The following NMT2 variants were observed in gnomAD, a reference collection of about 807,000 sequenced individuals.
NMT2 encodes glycylpeptide N-tetradecanoyltransferase 2.
Under a neutral mutation model 65.4 loss-of-function variants are expected in NMT2, and 35 were observed. The ratio of observed to expected loss-of-function variants is 0.54; its 90% CI spans 0.41 to 0.71. The LOEUF is 0.71. NMT2 is among the 30% of genes least tolerant of loss of function. The pLI, the probability that NMT2 is intolerant of heterozygous loss-of-function variation, is 0.00. For missense variants in NMT2, 489 were observed against 611.3 expected (o/e 0.80, Z 2.11); for synonymous variants, 226 against 231.8 (o/e 0.98, Z 0.23).
rs1324481856 is a variant in NMT2 at position 15,127,559 on chromosome 10, A to ATAAAAT, written c.999+790_999+791insATTTTA. Among the ~76,000 whole-genome samples the ATAAAAT allele has an allele frequency of 1.1e-3, 107 of 98,106 alleles. 6 individuals are homozygous for ATAAAAT. The highest frequency in any genetic ancestry group is 9.2e-3 in the African/African-American group (104 of 11,290). 64.4% of individuals were successfully genotyped at this position (98,106 alleles called of 152,430 possible). On this transcript the variant is annotated intron_variant, in intron 8 of 11. Transcript: ENST00000378165. ...GAGACTCCGTCTCAAAAAAAAAAAA[A>ATAAAAT]AAAAAAAAAAATAAATAAATAAATA...
At chr10:15,111,670 T>C (rs1259617305) in intron 10 of NMT2, 1 of 152,056 alleles carries the variant, frequency 6.6e-6, no homozygotes, top group Non-Finnish European at 1.5e-5. Context: ...AAGCACTTTT[T>C]ATTTTTATTT....
chr10:15,107,256 T>A lies in NMT2; in HGVS notation c.*1939A>T. The stretch of plus-strand genomic sequence containing the variant: ...TCAACCATTCCAGAAAATAAAAACA[T>A]TCTTAGCCTGTGGGCTACACAAAAA... On this transcript the variant is annotated 3_prime_UTR_variant, in exon 12 of 12. Coordinates refer to ENST00000378165, the MANE Select transcript of NMT2 (RefSeq NM_004808.3). 1.2e-6 allele frequency: 1 copy of A among 808,866 alleles called. No individual in the cohort carries two copies. The highest frequency in any genetic ancestry group is 1.5e-6 in the Non-Finnish European group (1 of 669,062). 50.1% of individuals were successfully genotyped at this position (808,866 alleles called of 1,614,324 possible). A position where few individuals can be genotyped will look rare whatever the true frequency, so the allele number is the denominator to read the frequency against.
rs1486256322 is a variant in NMT2 at position 15,130,224 on chromosome 10, T to C, written c.808A>G (p.Thr270Ala). 5 of 1,609,798 alleles carry C rather than the reference T, an allele frequency of 3.1e-6. No individual in the cohort carries two copies. Among genetic ancestry groups the C allele is most frequent in the Non-Finnish European group, 4.2e-6 (5 of 1,177,788 alleles). The stretch of plus-strand genomic sequence containing the variant: ...ATCCCTTCCAGGTTCACTCTTCTAG[T>C]GATCTCTCGGATTAGCACTGGGGCT... Reference protein sequence around the residue: ...RVAPVLIREITRRVNLEGIFQ... With the variant: ...RVAPVLIREIARRVNLEGIFQ... The change falls in exon 7 of 12, where the codon ACT becomes GCT. Residue 270 changes from threonine (T) to alanine (A), a missense_variant. By Grantham distance (58) the Thr-to-Ala change is moderately conservative. Coordinates refer to ENST00000378165, the MANE Select transcript of NMT2 (RefSeq NM_004808.3).
At chr10:15,113,832 T>C (rs2131478413) in intron 9 of NMT2, among the ~76,000 whole-genome samples, 1 of 152,310 alleles carries the variant, frequency 6.6e-6, no homozygotes, top group East Asian at 1.9e-4. Context: ...AAATAAGGGA[T>C]ACAATGGATG....
At chr10:15,149,685 A>G (rs948683821) in intron 1 of NMT2, among the ~76,000 whole-genome samples, 3 of 151,900 alleles carry the variant, frequency 2.0e-5, no homozygotes, top group Non-Finnish European at 4.4e-5. Flanking sequence ...ACAGATATCA[A>G]CTTTGTAAAC....
intron 8 of NMT2, among the ~76,000 whole-genome samples, 187 bp downstream of exon 8, chr10:15,128,163 G>A (rs73604541): frequency 0.016 from 2,474 of 152,274 alleles, 71 homozygotes; most frequent in African/African-American, 0.057. Context: ...GGGAAAAAAG[G>A]AAAGATTGGC....
intron 6 of NMT2, among the ~76,000 whole-genome samples, chr10:15,131,511 A>G (rs192700912): frequency 6.6e-6 from 1 of 152,230 alleles, no homozygotes; most frequent in East Asian, 1.9e-4. Context: ...ATCCTGGTGC[A>G]GAATCTGATA....
chr10:15,109,969 T>C (rs1284008977), intron 10 of NMT2, 130 bp from the exon 11 acceptor site: 22 of 701,088 alleles, frequency 3.1e-5, no homozygotes, highest in Non-Finnish European at 4.5e-5. Flanking sequence ...CCGTGATATA[T>C]AGCATAGGTT....
At chr10:15,161,810 A>G (rs1833209008) in intron 1 of NMT2, among the ~76,000 whole-genome samples, 1 of 152,256 alleles carries the variant, frequency 6.6e-6, no homozygotes, top group South Asian at 2.1e-4. Context: ...TAAAAGAATT[A>G]CAATTCCAGG....
Position 15,108,479 on chromosome 10 carries a change from C to T in NMT2, c.*716G>A. ...GGATTACAGGCGTGAGCCACCACGC[C>T]CGGCCTCAGGCTCTTTCAGAGAGCA... On this transcript the variant is annotated 3_prime_UTR_variant, in exon 12 of 12. Transcript: ENST00000378165. 1 of 985,492 alleles carries T rather than the reference C, an allele frequency of 1.0e-6. No individual in the cohort carries two copies. Among genetic ancestry groups the T allele is most frequent in the Non-Finnish European group, 1.2e-6 (1 of 829,966 alleles). The allele number at this position is 985,492 out of a possible 1,614,324, so 61.0% of individuals were successfully genotyped here. A position where few individuals can be genotyped will look rare whatever the true frequency, so the allele number is the denominator to read the frequency against.
chr10:15,109,282 T>G (rs1054561042), intron 11 of NMT2, 67 bp from the exon 12 acceptor site: 47 of 1,571,804 alleles, frequency 3.0e-5, no homozygotes, highest in Non-Finnish European at 3.9e-5. Flanking sequence ...TAGATCTGTC[T>G]TTCTAAAAGC....
At chr10:15,165,821 T>G (rs1397217210) in intron 1 of NMT2, among the ~76,000 whole-genome samples, 1 of 145,692 alleles carries the variant, frequency 6.9e-6, no homozygotes, top group Non-Finnish European at 1.5e-5. Flanking sequence ...GAGGTTGCAG[T>G]GAGCCGAGAT....
chr10:15,152,416 T>C (rs1183867638), intron 1 of NMT2, among the ~76,000 whole-genome samples: 1 of 152,206 alleles, frequency 6.6e-6, no homozygotes, highest in East Asian at 1.9e-4. Context: ...TGGCAGTGTC[T>C]AGAAGGGATG....
intron 8 of NMT2, among the ~76,000 whole-genome samples, chr10:15,124,397 C>T (rs1467549170): frequency 6.6e-6 from 1 of 152,214 alleles, no homozygotes; most frequent in Non-Finnish European, 1.5e-5. Context: ...GTTCTCATGG[C>T]CCCTTCTGTG....
At chr10:15,129,919 A>G (rs1381311401) in intron 7 of NMT2, among the ~76,000 whole-genome samples, 2 of 151,778 alleles carry the variant, frequency 1.3e-5, no homozygotes, top group Non-Finnish European at 2.9e-5. Flanking sequence ...AAAAAAAAAA[A>G]AAAAAAAAAA....
chr10:15,109,058 T>G lies in NMT2; in HGVS notation c.*137A>C. The G allele has an allele frequency of 2.6e-6, 4 of 1,511,088 alleles. No individual in the cohort carries two copies. Among genetic ancestry groups the G allele is most frequent in the Non-Finnish European group, 3.5e-6 (4 of 1,139,856 alleles). The allele number at this position is 1,511,088 out of a possible 1,614,324, so 93.6% of individuals were successfully genotyped here. A position where few individuals can be genotyped will look rare whatever the true frequency, so the allele number is the denominator to read the frequency against. ...AACGTACAAATGTCACATGTGGACT[T>G]TTGTCATCTTTTCTGATTATCGACT... is the stretch of plus-strand genomic sequence containing the variant. On this transcript the variant is annotated 3_prime_UTR_variant, in exon 12 of 12. Transcript: ENST00000378165.
Position 15,156,195 on chromosome 10 carries a change from G to A in NMT2, c.110+12308C>T, listed in dbSNP as rs1300729249. The stretch of plus-strand genomic sequence containing the variant: ...CCCCATGTGTTATGGGAGGGACCTG[G>A]AGGGAAGTAACTGAATCATGGGGGC... On this transcript the variant is annotated intron_variant, in intron 1 of 11. Transcript: ENST00000378165. Among the ~76,000 whole-genome samples, 4 of 152,146 alleles carry A rather than the reference G, an allele frequency of 2.6e-5. 1 individual carries two copies. The highest frequency in any genetic ancestry group is 2.6e-4 in the Admixed American group (4 of 15,268).
At chr10:15,117,018 A>G (rs935485770) in intron 9 of NMT2, among the ~76,000 whole-genome samples, 2 of 152,254 alleles carry the variant, frequency 1.3e-5, no homozygotes, top group African/African-American at 2.4e-5. Flanking sequence ...AATTTCTTCT[A>G]GAAAATAGAA....
intron 4 of NMT2, 22 bp downstream of exon 4, chr10:15,133,223 T>G (rs1379762270): frequency 1.2e-6 from 2 of 1,605,350 alleles, no homozygotes; most frequent in Non-Finnish European, 8.5e-7. Flanking sequence ...GAGTTGAATT[T>G]AAGAGGTTTT....
Sources: allele counts gnomAD v4.1 joint callset (sites outside exome capture counted in the v4.1 genomes callset), GRCh38; gene constraint gnomAD v4.1.1; transcripts MANE v1.5; gene names NCBI Gene and HGNC (gene_info 2026-07-23, HGNC 2026-07-21).